FCHSD2: variants seen among roughly 807,000 people sequenced by gnomAD.
The protein encoded by FCHSD2 is FCH and double SH3 domains 2.
A neutral mutation model predicts 108.1 loss-of-function variants in FCHSD2; 38 were observed. The observed-to-expected ratio is 0.35, with a 90% CI of 0.27 to 0.46. FCHSD2 has a LOEUF of 0.46. Ranked by LOEUF, FCHSD2 falls within the 20% of genes least tolerant of loss-of-function variation. The pLI is 1.00. For synonymous variants in FCHSD2, 279 were observed against 314.7 expected (o/e 0.89, Z 1.20); for missense variants, 751 against 897.8 (o/e 0.84, Z 2.09).
chr11:72,876,183 A>T (rs1018618608), intron 12 of FCHSD2, among the ~76,000 whole-genome samples: 1 of 152,118 alleles, frequency 6.6e-6, no homozygotes, highest in African/African-American at 2.4e-5. Context: ...ATAAAATATT[A>T]GCTGGGTTTG....
At chr11:73,137,105 C>G (rs1317811292) in intron 2 of FCHSD2, among the ~76,000 whole-genome samples, 4 of 151,932 alleles carry the variant, frequency 2.6e-5, no homozygotes. Context: ...CTAGGGCAGA[C>G]AAGAGAAGCC....
intron 12 of FCHSD2, among the ~76,000 whole-genome samples, chr11:72,873,687 G>A (rs1046527063): frequency 2.6e-5 from 4 of 151,376 alleles, no homozygotes; most frequent in African/African-American, 9.7e-5. Context: ...GGTTTTTTTT[G>A]TAAGTTTATT....
At chr11:73,039,313 T>C (rs1326172448) in intron 3 of FCHSD2, among the ~76,000 whole-genome samples, 1 of 151,640 alleles carries the variant, frequency 6.6e-6, no homozygotes, top group Non-Finnish European at 1.5e-5. Context: ...AGGTCAGGAG[T>C]TGGAGACCAG....
chr11:73,118,321 A>G (rs1279117888), intron 2 of FCHSD2, among the ~76,000 whole-genome samples: 2 of 152,158 alleles, frequency 1.3e-5, no homozygotes, highest in African/African-American at 4.8e-5. Flanking sequence ...TCCATCTCAA[A>G]AAAACAAAAA....
intron 8 of FCHSD2, chr11:72,940,637 A>G: frequency 1.4e-6 from 2 of 1,443,804 alleles, no homozygotes; most frequent in Non-Finnish European, 1.9e-6. Flanking sequence ...CAGCCTGATA[A>G]AGCGCGCCGA....
At chr11:72,986,411 A>G (rs1325260226) in intron 6 of FCHSD2, among the ~76,000 whole-genome samples, 1 of 152,116 alleles carries the variant, frequency 6.6e-6, no homozygotes, top group African/African-American at 2.4e-5. Flanking sequence ...GGGTTTCACC[A>G]TGTTAGCCAG....
intron 3 of FCHSD2, among the ~76,000 whole-genome samples, chr11:73,046,739 ATTTG>A (rs1858776599): frequency 1.3e-5 from 2 of 152,096 alleles, no homozygotes; most frequent in African/African-American, 2.4e-5. Context: ...TAGTATGTGT[ATTTG>A]TTTGTTTATT....
At chr11:73,129,129 C>T (rs1419980377) in intron 2 of FCHSD2, among the ~76,000 whole-genome samples, 1 of 152,160 alleles carries the variant, frequency 6.6e-6, no homozygotes, top group Admixed American at 6.5e-5. Flanking sequence ...CCTCGGCCTC[C>T]CAAAGTGCTG....
At position 72,894,996 on chromosome 11, in the gene FCHSD2, G is replaced by C. The variant is rs1352050718; in HGVS notation, c.925-5051C>G. On this transcript the variant is annotated intron_variant, in intron 10 of 19. Transcript: ENST00000409418. ...GTATTTGGCCCAAGGCTTTTGGTAA[G>C]AGACTGTAGACTTTTAAGTCACATA... Among the ~76,000 whole-genome samples the C allele has an allele frequency of 2.0e-5, 3 of 152,190 alleles. No homozygotes were observed. The East Asian group carries it at 5.8e-4, about 29-fold the overall frequency.
chr11:72,846,480 C>G (rs956275056), intron 14 of FCHSD2, among the ~76,000 whole-genome samples: 1 of 151,956 alleles, frequency 6.6e-6, no homozygotes, highest in African/African-American at 2.4e-5. Flanking sequence ...GTGCCCAGCC[C>G]CCATTTTGTT....
intron 2 of FCHSD2, among the ~76,000 whole-genome samples, chr11:73,132,659 C>CA (rs1480941171): frequency 6.6e-6 from 1 of 151,616 alleles, no homozygotes; most frequent in Non-Finnish European, 1.5e-5. Flanking sequence ...CCCATCTCTA[C>CA]AAAAAAATAC....
chr11:72,988,420 A>G (rs1237564675), intron 6 of FCHSD2, among the ~76,000 whole-genome samples: 1 of 152,196 alleles, frequency 6.6e-6, no homozygotes, highest in Non-Finnish European at 1.5e-5. Flanking sequence ...CATATATTGA[A>G]TTCATACAAT....
chr11:72,871,003 T>C (rs1180685483), intron 12 of FCHSD2, among the ~76,000 whole-genome samples: 4 of 152,046 alleles, frequency 2.6e-5, no homozygotes, highest in Admixed American at 2.0e-4. Flanking sequence ...TAAACTACAT[T>C]TATGATGTGG....
chr11:73,089,405 A>G (rs1042288276), intron 2 of FCHSD2, among the ~76,000 whole-genome samples: 16 of 152,218 alleles, frequency 1.1e-4, no homozygotes, highest in Admixed American at 9.2e-4. Flanking sequence ...CATCATTAGC[A>G]TATGATCCAA....
At chr11:72,963,090 C>A (rs1429409851) in intron 8 of FCHSD2, among the ~76,000 whole-genome samples, 2 of 152,078 alleles carry the variant, frequency 1.3e-5, no homozygotes, top group Non-Finnish European at 2.9e-5. Context: ...CTAATGAAAG[C>A]AAATTATTTA....
chr11:73,130,837 C>T (rs918631679), intron 2 of FCHSD2, among the ~76,000 whole-genome samples: 2 of 152,086 alleles, frequency 1.3e-5, no homozygotes, highest in Admixed American at 1.3e-4. Flanking sequence ...TGCATGTTAC[C>T]TTTTATTAAT....
At chr11:73,007,624 A>C (rs1474916011) in intron 4 of FCHSD2, among the ~76,000 whole-genome samples, 1 of 152,172 alleles carries the variant, frequency 6.6e-6, no homozygotes, top group Non-Finnish European at 1.5e-5. Flanking sequence ...GAAGAAAGAA[A>C]AAAGGGGGGA....
At chr11:72,861,395 CAA>C (rs34484683) in intron 13 of FCHSD2, among the ~76,000 whole-genome samples, 26,018 of 142,714 alleles carry the variant, frequency 0.18, 2,521 homozygotes, top group East Asian at 0.35. Context: ...TAAAAACTTC[CAA>C]AAAAAAAAAA....
chr11:72,936,389 A>C (rs1427001927), intron 8 of FCHSD2, among the ~76,000 whole-genome samples: 1 of 152,206 alleles, frequency 6.6e-6, no homozygotes, highest in Non-Finnish European at 1.5e-5. Context: ...CTGTTAAATC[A>C]ATATTTTCTA....
Sources: gnomAD v4.1 joint callset for allele counts (sites outside exome capture counted in the v4.1 genomes callset) on GRCh38, gnomAD v4.1.1 for gene constraint, MANE v1.5 for transcripts, NCBI Gene and HGNC (gene_info 2026-07-23, HGNC 2026-07-21) for gene names.